The following ASGR1 variants were observed in gnomAD, a reference collection of about 807,000 sequenced individuals.
ASGR1 encodes asialoglycoprotein receptor 1.
Under a neutral mutation model 33.1 loss-of-function variants are expected in ASGR1, and 35 were observed. The observed-to-expected ratio is 1.06, with a 90% CI of 0.81 to 1.40. ASGR1 has a LOEUF of 1.40. Among genes scored for constraint, ASGR1 ranks in the 40% most tolerant of loss-of-function variants. ASGR1 has a pLI of 0.00. For synonymous variants in ASGR1, 142 were observed against 152.5 expected (o/e 0.93, Z 0.51); for missense variants, 396 against 373.7 (o/e 1.06, Z -0.49).
intron 5 of ASGR1, 54 bp from the exon 6 acceptor site, chr17:7,174,514 G>C: frequency 6.4e-7 from 1 of 1,553,712 alleles, no homozygotes; most frequent in Non-Finnish European, 8.8e-7. Context: ...CACGGGGAGG[G>C]AAACGGGAAA....
At chr17:7,177,459 G>C (rs1359660057) in intron 2 of ASGR1, 133 bp from the exon 3 acceptor site, 5 of 679,386 alleles carry the variant, frequency 7.4e-6, no homozygotes. Context: ...AAATGCGGGC[G>C]GTGGGCGACC....
rs1022199301 is a variant in ASGR1 at position 7,176,272 on chromosome 17, C to T, written c.355+558G>A. On this transcript the variant is annotated intron_variant, in intron 5 of 8. Coordinates refer to ENST00000269299, the MANE Select transcript of ASGR1 (RefSeq NM_001671.5). ...ACCCCATCTCATTCTCACACTCACT[C>T]ACACACCCCATCTCATTCTCACACT... 1.0e-4 allele frequency among the ~76,000 whole-genome samples: 15 copies of T among 143,646 alleles called. 1 individual carries two copies. The South Asian group carries it at 2.7e-3, about 26-fold the overall frequency. The allele number at this position is 143,646 out of a possible 152,430, so 94.2% of individuals were successfully genotyped here.
Position 7,176,762 on chromosome 17 carries a change from TCA to T in ASGR1, c.355+66_355+67del. ...CACATCCACACACACTCACACTTTC[TCA>T]CACACATCCACACATTCTCACTCTC... On this transcript the variant is annotated intron_variant, in intron 5 of 8. Coordinates refer to ENST00000269299, the MANE Select transcript of ASGR1 (RefSeq NM_001671.5). The T allele has an allele frequency of 4.4e-6, 7 of 1,575,258 alleles. 1 individual carries two copies. In the South Asian group the frequency reaches 6.7e-5, roughly 15 times the overall value.
chr17:7,177,375 C>A (rs943939941), intron 2 of ASGR1, 49 bp from the exon 3 acceptor site: 5 of 1,484,878 alleles, frequency 3.4e-6, no homozygotes, highest in Admixed American at 1.7e-5. Context: ...GGGACCCTGG[C>A]ACAGCTCCAG....
At chr17:7,178,008 A>G (rs1054016486) in intron 2 of ASGR1, 1 of 165,198 alleles carries the variant, frequency 6.1e-6, no homozygotes, top group Non-Finnish European at 1.3e-5. Flanking sequence ...TTTTTGAAGC[A>G]AAAGAGTCTC....
intron 5 of ASGR1, among the ~76,000 whole-genome samples, chr17:7,174,664 TCA>T (rs140060517): frequency 5.5e-5 from 6 of 108,808 alleles, no homozygotes; most frequent in Admixed American, 4.4e-4. Flanking sequence ...ACACACACAC[TCA>T]CACAGACACA....
chr17:7,177,627 C>A (rs1009861581), intron 2 of ASGR1: 2 of 309,300 alleles, frequency 6.5e-6, no homozygotes, highest in South Asian at 1.5e-4. Flanking sequence ...CAGTCCACCC[C>A]CTCCTCCCGC....
At chr17:7,175,801 CCT>C (rs961055940) in intron 5 of ASGR1, among the ~76,000 whole-genome samples, 5 of 145,742 alleles carry the variant, frequency 3.4e-5, no homozygotes, top group African/African-American at 1.4e-4. Context: ...ACACACACTC[CCT>C]CTCATTCTCA....
chr17:7,173,490 T>G lies in ASGR1; in HGVS notation c.*169A>C. ...AAGTTCACAATGATAACCTGCAAAC[T>G]GCAGAAAGCGCCACGGGTTTCAAGC... On this transcript the variant is annotated 3_prime_UTR_variant, in exon 9 of 9. Coordinates refer to ENST00000269299, the MANE Select transcript of ASGR1 (RefSeq NM_001671.5). The surrounding 1 kb of genome is among the most constrained non-coding windows in gnomAD (Gnocchi z 4.7). 1 of 889,724 alleles carries G rather than the reference T, an allele frequency of 1.1e-6. No homozygotes were observed. The highest frequency in any genetic ancestry group is 1.7e-6 in the Non-Finnish European group (1 of 601,554). 55.1% of individuals were successfully genotyped at this position (889,724 alleles called of 1,614,324 possible). A position where few individuals can be genotyped will look rare whatever the true frequency, so the allele number is the denominator to read the frequency against.
At chr17:7,174,490 G>A (rs777314615) in intron 5 of ASGR1, 30 bp from the exon 6 acceptor site, 2 of 1,601,242 alleles carry the variant, frequency 1.2e-6, no homozygotes, top group Non-Finnish European at 8.5e-7. Flanking sequence ...GGGAGCGGGA[G>A]GAGATGCGGA....
chr17:7,175,463 C>T (rs2069186364), intron 5 of ASGR1, among the ~76,000 whole-genome samples: 1 of 149,004 alleles, frequency 6.7e-6, no homozygotes, highest in African/African-American at 2.5e-5. Context: ...CCCACACATA[C>T]AACACACCCT....
chr17:7,177,173 C>G, intron 3 of ASGR1, 37 bp downstream of exon 3: 1 of 1,612,906 alleles, frequency 6.2e-7, no homozygotes, highest in Admixed American at 1.7e-5. Context: ...GTCAACACCC[C>G]CCAATGTTGC....
chr17:7,176,577 C>G (rs1323955106), intron 5 of ASGR1: 1 of 564,650 alleles, frequency 1.8e-6, no homozygotes, highest in Admixed American at 3.2e-5. Flanking sequence ...TTCTCACACA[C>G]AGACTCACAC....
In ASGR1 at chr17:7,177,309, G is replaced by T; in HGVS notation, c.88C>A (p.Pro30Thr). 1 of 1,613,708 alleles carries T rather than the reference G, an allele frequency of 6.2e-7. No homozygotes were observed. The highest frequency in any genetic ancestry group is 8.5e-7 in the Non-Finnish European group (1 of 1,179,830). The stretch of plus-strand genomic sequence containing the variant: ...CCGGAGCAGAGACGCTGCAGGAGGG[G>T]CTGGGGAGGAGGTGGCCCTGCAAGA... ...QLRKGPPPPQ[P>T]LLQRLCSGPR... The change falls in exon 3 of 9, where the codon CCC becomes ACC. Residue 30 changes from proline (P) to threonine (T), a missense_variant. By Grantham distance (38) the Pro-to-Thr change is conservative. Transcript: ENST00000269299.
Position 7,174,419 on chromosome 17 carries a change from C to G in ASGR1, c.397G>C (p.Asp133His), listed in dbSNP as rs1264852876. 1 of 1,613,712 alleles carries G rather than the reference C, an allele frequency of 6.2e-7. No homozygotes were observed. The highest frequency in any genetic ancestry group is 1.7e-5 in the Admixed American group (1 of 59,938). Residue 133 changes from aspartate (D) to histidine (H), a missense_variant, in exon 6 of 9, where the codon GAC becomes CAC. Physicochemically the swap from Asp to His is moderately conservative, Grantham distance 81. Coordinates refer to ENST00000269299, the MANE Select transcript of ASGR1 (RefSeq NM_001671.5). Reference protein sequence around the residue: ...LLLHVKQFVSDLRSLSCQMAA... With the variant: ...LLLHVKQFVSHLRSLSCQMAA... ...ATCTGACAGCTCAGGCTCCGCAGGT[C>G]AGACACGAACTGCTTCACGTGGAGC...
At chr17:7,174,520 G>GGAAACGA (rs1407560231) in intron 5 of ASGR1, 60 bp from the exon 6 acceptor site, 2 of 1,543,554 alleles carry the variant, frequency 1.3e-6, no homozygotes, top group African/African-American at 1.4e-5. Flanking sequence ...GAGGGAAACG[G>GGAAACGA]GAAACGAGGT....
At chr17:7,175,683 GCA>G (rs1213590092) in intron 5 of ASGR1, among the ~76,000 whole-genome samples, 13 of 141,550 alleles carry the variant, frequency 9.2e-5, no homozygotes, top group Non-Finnish European at 1.7e-4. Context: ...ACTCACATTC[GCA>G]CACACACCCA....
chr17:7,176,627 C>A (rs1324521505), intron 5 of ASGR1: 2 of 668,876 alleles, frequency 3.0e-6, no homozygotes, highest in Admixed American at 2.6e-5. Context: ...CATACACACT[C>A]CCTCTCATTC....
chr17:7,173,840 A>C lies in ASGR1; in HGVS notation c.702-7T>G. ...CTGCTCCGGCCTCCAGTTCCTGGGG[A>C]CAGAGCCAGCTGTGGGCCCCAGGAG... On this transcript the variant is annotated splice_polypyrimidine_tract_variant and splice_region_variant and intron_variant, in intron 8 of 8. Transcript: ENST00000269299. The surrounding 1 kb of genome is among the most constrained non-coding windows in gnomAD (Gnocchi z 4.7). 1.9e-6 allele frequency: 3 copies of C among 1,609,030 alleles called. No individual in the cohort carries two copies. The highest frequency in any genetic ancestry group is 2.5e-6 in the Non-Finnish European group (3 of 1,178,612).
Sources: gnomAD v4.1 joint callset for allele counts (sites outside exome capture counted in the v4.1 genomes callset) on GRCh38, gnomAD v4.1.1 for gene constraint, Gnocchi (gnomAD v3.1) non-coding constraint, MANE v1.5 for transcripts, NCBI Gene and HGNC (gene_info 2026-07-23, HGNC 2026-07-21) for gene names.